SLC4A4: variants seen among roughly 807,000 people sequenced by gnomAD.
SLC4A4 encodes the protein solute carrier family 4 member 4, also known as electrogenic sodium bicarbonate cotransporter 1.
Under a neutral mutation model 111.5 loss-of-function variants are expected in SLC4A4, and 27 were observed. That is an observed-to-expected ratio of 0.24 (90% CI 0.18 to 0.33). SLC4A4 has a LOEUF of 0.33. SLC4A4 is among the 10% of genes least tolerant of loss of function. SLC4A4 has a pLI of 1.00. For missense variants in SLC4A4, 909 were observed against 1,315.5 expected (o/e 0.69, Z 4.78); for synonymous variants, 443 against 463.4 (o/e 0.96, Z 0.57).
intron 6 of SLC4A4, among the ~76,000 whole-genome samples, chr4:71,397,150 G>C (rs1337885810): frequency 6.6e-6 from 1 of 152,160 alleles, no homozygotes; most frequent in Non-Finnish European, 1.5e-5. Context: ...GGAGGTCTGG[G>C]CCTGGCATCC....
chr4:71,464,259 G>C (rs565636844), intron 12 of SLC4A4, among the ~76,000 whole-genome samples: 2 of 152,286 alleles, frequency 1.3e-5, no homozygotes, highest in East Asian at 3.9e-4. Context: ...CCAAAGACTT[G>C]TTGTGTCACA....
chr4:71,170,806 A>C (rs375681326), intron 2 of SLC4A4, among the ~76,000 whole-genome samples: 11 of 152,208 alleles, frequency 7.2e-5, no homozygotes, highest in South Asian at 4.1e-4. Context: ...TATGGAGGAG[A>C]GGTCTTTAGG....
At chr4:71,155,928 T>C (rs544053361) in intron 2 of SLC4A4, among the ~76,000 whole-genome samples, 2 of 152,354 alleles carry the variant, frequency 1.3e-5, no homozygotes, top group South Asian at 4.1e-4. Context: ...CCTTTCTTGG[T>C]AATATATGTA....
intron 14 of SLC4A4, among the ~76,000 whole-genome samples, chr4:71,474,495 T>A (rs569293371): frequency 6.6e-6 from 1 of 152,012 alleles, no homozygotes; most frequent in African/African-American, 2.4e-5. Context: ...TCCTAGATAT[T>A]TTGGTATGCA....
chr4:71,460,575 C>T (rs1306733419), intron 12 of SLC4A4, among the ~76,000 whole-genome samples: 4 of 152,032 alleles, frequency 2.6e-5, no homozygotes, highest in South Asian at 2.1e-4. Flanking sequence ...TTAGGCAGAG[C>T]GGGTGGCAAT....
intron 3 of SLC4A4, 57 bp from the exon 4 acceptor site, chr4:71,339,313 C>T (rs1728695128): frequency 1.2e-6 from 2 of 1,614,050 alleles, no homozygotes; most frequent in Admixed American, 1.7e-5. Flanking sequence ...GCCCGGAGCT[C>T]CACTTTCCTC....
At chr4:71,460,239 A>G (rs926322050) in intron 12 of SLC4A4, among the ~76,000 whole-genome samples, 1 of 152,100 alleles carries the variant, frequency 6.6e-6, no homozygotes, top group African/African-American at 2.4e-5. Context: ...ACCCCAAGAT[A>G]AAGGAAATAT....
At chr4:71,440,144 C>A (rs2149057302) in intron 7 of SLC4A4, among the ~76,000 whole-genome samples, 1 of 151,956 alleles carries the variant, frequency 6.6e-6, no homozygotes, top group East Asian at 1.9e-4. Context: ...AAGATAGTAC[C>A]TTTTTTACTT....
intron 3 of SLC4A4, among the ~76,000 whole-genome samples, chr4:71,272,284 A>G (rs934350899): frequency 6.6e-6 from 1 of 152,082 alleles, no homozygotes; most frequent in Non-Finnish European, 1.5e-5. Flanking sequence ...AACTGTGGCT[A>G]TGTGTTGTTG....
intron 3 of SLC4A4, among the ~76,000 whole-genome samples, chr4:71,330,392 A>C (rs146420834): frequency 0.013 from 2,035 of 152,206 alleles, 49 homozygotes; most frequent in African/African-American, 0.046. Flanking sequence ...AGAGATATAG[A>C]CCAATGGAAC....
chr4:71,365,934 G>T (rs1578929567), intron 6 of SLC4A4, among the ~76,000 whole-genome samples: 1 of 152,162 alleles, frequency 6.6e-6, no homozygotes, highest in South Asian at 2.1e-4. Context: ...ACAAGGGGAT[G>T]AGCTTCCTCA....
chr4:71,414,166 G>T (rs1233567738), intron 7 of SLC4A4, among the ~76,000 whole-genome samples: 1 of 152,208 alleles, frequency 6.6e-6, no homozygotes, highest in African/African-American at 2.4e-5. Context: ...ATTTCCAGGT[G>T]CCCATGCACT....
intron 23 of SLC4A4, among the ~76,000 whole-genome samples, chr4:71,562,462 T>C (rs980767999): frequency 6.6e-6 from 1 of 151,692 alleles, no homozygotes; most frequent in Non-Finnish European, 1.5e-5. Flanking sequence ...TTAGTGAAAA[T>C]TATAGCTCTT....
intron 3 of SLC4A4, among the ~76,000 whole-genome samples, chr4:71,272,102 A>G (rs564118239): frequency 6.6e-6 from 1 of 152,326 alleles, no homozygotes; most frequent in Non-Finnish European, 1.5e-5. Context: ...ACTAAATGCA[A>G]GTATATATAA....
At chr4:71,545,914 C>A (rs945181611) in intron 18 of SLC4A4, among the ~76,000 whole-genome samples, 2 of 152,044 alleles carry the variant, frequency 1.3e-5, no homozygotes, top group African/African-American at 4.8e-5. Flanking sequence ...CTGCCGCTAT[C>A]ACCATTTATT....
At chr4:71,363,224 T>C (rs1730958389) in intron 6 of SLC4A4, among the ~76,000 whole-genome samples, 1 of 152,178 alleles carries the variant, frequency 6.6e-6, no homozygotes, top group Admixed American at 6.5e-5. Flanking sequence ...GAAATCAATT[T>C]TTATGTTAAT....
chr4:71,241,921 C>A (rs1560805907), intron 2 of SLC4A4, among the ~76,000 whole-genome samples: 1 of 152,208 alleles, frequency 6.6e-6, no homozygotes, highest in Non-Finnish European at 1.5e-5. Context: ...CAGCTGAACG[C>A]TGGCCAGAGG....
At chr4:71,380,120 A>G (rs950911400) in intron 6 of SLC4A4, among the ~76,000 whole-genome samples, 4 of 152,214 alleles carry the variant, frequency 2.6e-5, no homozygotes, top group African/African-American at 9.6e-5. Context: ...ACACAGTGAC[A>G]TGAGGGAAGC....
At chr4:71,382,284 C>T (rs1430991924) in intron 6 of SLC4A4, among the ~76,000 whole-genome samples, 4 of 151,934 alleles carry the variant, frequency 2.6e-5, no homozygotes, top group Admixed American at 6.6e-5. Flanking sequence ...TATGAGGAAG[C>T]AGGGTTTTTT....
Sources: allele counts gnomAD v4.1 joint callset (sites outside exome capture counted in the v4.1 genomes callset), GRCh38; gene constraint gnomAD v4.1.1; transcripts MANE v1.5; gene names NCBI Gene and HGNC (gene_info 2026-07-23, HGNC 2026-07-21).